Variants in RPRD1A observed in about 807,000 individuals in gnomAD.
The protein encoded by RPRD1A is regulation of nuclear pre-mRNA domain containing 1A, also known as regulation of nuclear pre-mRNA domain-containing protein 1A.
In RPRD1A, 9 loss-of-function variants were observed where a neutral mutation model predicts 37.8. The ratio of observed to expected loss-of-function variants is 0.24; its 90% CI spans 0.14 to 0.42. The LOEUF (loss-of-function observed/expected upper bound fraction) is 0.42, where lower values mean the gene tolerates loss of function less well. RPRD1A is among the 10% of genes least tolerant of loss of function. The probability of loss-of-function intolerance (pLI) is 1.00; values close to 1 mark genes in which losing one functional copy is unlikely to be tolerated. For missense variants in RPRD1A, 255 were observed against 371.0 expected, an observed-to-expected ratio of 0.69 and a Z score of 2.57; for synonymous variants, 138 against 139.7, an observed-to-expected ratio of 0.99 and a Z score of 0.08.
At chr18:36,064,473 ACT>A (rs1305050329) in intron 1 of RPRD1A, 2 of 152,152 alleles carry the variant, frequency 1.3e-5, no homozygotes, top group East Asian at 1.9e-4. Flanking sequence ...ACCAATCACC[ACT>A]CTGTGTCTAG....
chr18:36,040,762 G>C (rs1002404752), intron 1 of RPRD1A: 1 of 1,193,768 alleles, frequency 8.4e-7, no homozygotes, highest in East Asian at 2.7e-5. Context: ...AAGCTTTTTA[G>C]GCAAGTGGTA....
chr18:36,004,879 G>GCCACT (rs1360216191), intron 6 of RPRD1A, among the ~76,000 whole-genome samples: 3 of 151,746 alleles, frequency 2.0e-5, no homozygotes, highest in Non-Finnish European at 1.5e-5. Context: ...CTTCAGCCTG[G>GCCACT]GCAACAGATT....
chr18:36,033,299 C>CAAAAAAAAAAAAAAAAAAAA, intron 2 of RPRD1A, among the ~76,000 whole-genome samples: 1 of 75,940 alleles, frequency 1.3e-5, no homozygotes, highest in Non-Finnish European at 2.3e-5. Context: ...GACTCTGTCT[C>CAAAAAAAAAAAAAAAAAAAA]AAAAAAAAAA....
At chr18:36,008,569 T>TCG (rs1555670660) in intron 6 of RPRD1A, among the ~76,000 whole-genome samples, 7 of 56,080 alleles carry the variant, frequency 1.2e-4, no homozygotes, top group Admixed American at 1.9e-4. Context: ...CAGCAAGACC[T>TCG]TGTGTGTGTA....
intron 1 of RPRD1A, among the ~76,000 whole-genome samples, chr18:36,052,306 C>T (rs1913455182): frequency 6.6e-6 from 1 of 151,698 alleles, no homozygotes; most frequent in African/African-American, 2.4e-5. Flanking sequence ...TAAAGACAGT[C>T]CTTCAGGATG....
intron 6 of RPRD1A, among the ~76,000 whole-genome samples, chr18:36,013,197 C>T (rs1322702585): frequency 6.6e-6 from 1 of 152,094 alleles, no homozygotes; most frequent in African/African-American, 2.4e-5. Flanking sequence ...AATGATAAAT[C>T]CCTTTCTTCA....
At chr18:36,027,154 A>G (rs979881269) in intron 5 of RPRD1A, 30 bp downstream of exon 5, 10 of 1,612,980 alleles carry the variant, frequency 6.2e-6, no homozygotes, top group Non-Finnish European at 8.5e-6. Flanking sequence ...AACTCCCAAA[A>G]AAGTTCTGGA....
chr18:36,014,513 C>T (rs1433544672), intron 6 of RPRD1A, among the ~76,000 whole-genome samples: 1 of 152,150 alleles, frequency 6.6e-6, no homozygotes, highest in South Asian at 2.1e-4. Context: ...CCAAGGCAGG[C>T]GGATCACGAG....
chr18:36,004,878 G>GTT (rs1336769576), intron 6 of RPRD1A, among the ~76,000 whole-genome samples: 3 of 151,854 alleles, frequency 2.0e-5, no homozygotes, highest in Non-Finnish European at 1.5e-5. Context: ...ACTTCAGCCT[G>GTT]GGCAACAGAT....
At chr18:36,052,762 C>T (rs1234329645) in intron 1 of RPRD1A, 2 of 152,018 alleles carry the variant, frequency 1.3e-5, no homozygotes, top group Non-Finnish European at 2.9e-5. Flanking sequence ...CCACACCTCG[C>T]TAATTTTTTG....
At chr18:35,997,290 A>G (rs1206475988) in intron 6 of RPRD1A, among the ~76,000 whole-genome samples, 1 of 152,080 alleles carries the variant, frequency 6.6e-6, no homozygotes, top group Non-Finnish European at 1.5e-5. Flanking sequence ...TTTCACTACT[A>G]TTTTCGGACC....
intron 6 of RPRD1A, among the ~76,000 whole-genome samples, chr18:35,993,701 T>A (rs537685383): frequency 6.6e-6 from 1 of 152,314 alleles, no homozygotes; most frequent in South Asian, 2.1e-4. Context: ...GAAGCAGGAC[T>A]GCTCCCTTCC....
rs140634111 is a variant in RPRD1A at position 36,021,129 on chromosome 18, T to C, written c.789+5771A>G. On this transcript the variant is annotated intron_variant, in intron 6 of 6. Coordinates refer to ENST00000399022, the MANE Select transcript of RPRD1A (RefSeq NM_018170.5). ...ATTAAGAAACTAGTCACATGCTTCT[T>C]TGAAACATCCACAGAGCTGCATCTT... 2.3e-3 allele frequency among the ~76,000 whole-genome samples: 344 copies of C among 152,358 alleles called. 4 individuals carry two copies. The highest frequency in any genetic ancestry group is 7.1e-3 in the African/African-American group (295 of 41,584).
chr18:36,067,427 C>G lies in RPRD1A; in HGVS notation c.-23G>C. The G allele has an allele frequency of 6.3e-7, 1 of 1,597,602 alleles. No individual in the cohort carries two copies. The highest frequency in any genetic ancestry group is 2.3e-5 in the East Asian group (1 of 44,044). ...CATCCCTCCGACACCACGTTCACGC[C>G]GTCCCACGCGGTGGGGCCGAGGGGA... is the stretch of plus-strand genomic sequence containing the variant. On this transcript the variant is annotated 5_prime_UTR_variant, in exon 1 of 7. Transcript: ENST00000399022.
At chr18:36,026,628 G>A (rs1015010724) in intron 6 of RPRD1A, 3 of 304,740 alleles carry the variant, frequency 9.8e-6, no homozygotes, top group African/African-American at 6.5e-5. Context: ...GGGTTAAACT[G>A]GTAAGATAAA....
At chr18:36,023,759 C>G (rs115824356) in intron 6 of RPRD1A, among the ~76,000 whole-genome samples, 1,777 of 152,102 alleles carry the variant, frequency 0.012, 41 homozygotes, top group African/African-American at 0.04. Context: ...AGACCCTCCA[C>G]CAGCAAAGAC....
At position 35,992,359 on chromosome 18, in the gene RPRD1A, T is replaced by A. The variant is rs1037059220; in HGVS notation, c.*792A>T. On this transcript the variant is annotated 3_prime_UTR_variant, in exon 7 of 7. Transcript: ENST00000399022. ...TTAATTATGTTAAAAGGAAACTGATTTGACAAATAGAAACCAGTTCCAGAA... is the reference window on the plus strand; with the variant it reads ...TTAATTATGTTAAAAGGAAACTGATATGACAAATAGAAACCAGTTCCAGAA... 2.0e-5 allele frequency: 3 copies of A among 152,248 alleles called. No individual in the cohort carries two copies. Among genetic ancestry groups the A allele is most frequent in the African/African-American group, 7.2e-5 (3 of 41,454 alleles). 9.4% of individuals were successfully genotyped at this position (152,248 alleles called of 1,614,324 possible).
chr18:36,067,533 C>T lies in RPRD1A; in HGVS notation c.-129G>A. On this transcript the variant is annotated 5_prime_UTR_variant, in exon 1 of 7. Coordinates refer to ENST00000399022, the MANE Select transcript of RPRD1A (RefSeq NM_018170.5). The stretch of plus-strand genomic sequence containing the variant: ...GCTCTCACCACGGCCGCCGCTTCAT[C>T]CAAGACCGGCCGCAAACCAGCAAGA... 2.2e-6 allele frequency: 2 copies of T among 924,640 alleles called. No homozygotes were observed. Among genetic ancestry groups the T allele is most frequent in the Non-Finnish European group, 3.1e-6 (2 of 643,920 alleles). The allele number at this position is 924,640 out of a possible 1,614,324, so 57.3% of individuals were successfully genotyped here.
intron 1 of RPRD1A, among the ~76,000 whole-genome samples, chr18:36,062,344 A>C (rs1010271767): frequency 6.6e-5 from 10 of 151,052 alleles, no homozygotes; most frequent in Non-Finnish European, 1.3e-4. Flanking sequence ...AAAAAAAAAA[A>C]AAAACATGTA....
Sources: gnomAD v4.1 joint callset for allele counts (sites outside exome capture counted in the v4.1 genomes callset) on GRCh38, gnomAD v4.1.1 for gene constraint, MANE v1.5 for transcripts, NCBI Gene and HGNC (gene_info 2026-07-23, HGNC 2026-07-21) for gene names.